The following EPHB2 variants were observed in gnomAD, a reference collection of about 807,000 sequenced individuals.
EPHB2 encodes the protein ephrin type-B receptor 2.
In EPHB2, 18 loss-of-function variants were observed where a neutral mutation model predicts 96.4. The ratio of observed to expected loss-of-function variants is 0.19; its 90% CI spans 0.13 to 0.28. The LOEUF is 0.28. Among genes scored for constraint, EPHB2 ranks in the 10% least tolerant of loss-of-function variants. The probability of loss-of-function intolerance (pLI) is 1.00; values close to 1 mark genes in which losing one functional copy is unlikely to be tolerated. For missense variants in EPHB2, 989 were observed against 1,355.4 expected (o/e 0.73, Z 4.25); for synonymous variants, 506 against 534.1 (o/e 0.95, Z 0.72).
At chr1:22,904,016 G>A (rs1238623778) in intron 9 of EPHB2, among the ~76,000 whole-genome samples, 8 of 152,282 alleles carry the variant, frequency 5.3e-5, no homozygotes, top group African/African-American at 1.2e-4. Context: ...GGCCAGGCGC[G>A]GTGGCTCATG....
intron 15 of EPHB2, 108 bp downstream of exon 15, chr1:22,912,707 G>T: frequency 6.5e-7 from 1 of 1,549,870 alleles, no homozygotes; most frequent in South Asian, 1.1e-5. Context: ...GTCCCAATAG[G>T]GAAGCAGGGA....
intron 1 of EPHB2, among the ~76,000 whole-genome samples, chr1:22,768,243 A>G (rs919020738): frequency 2.0e-5 from 3 of 152,194 alleles, no homozygotes; most frequent in Non-Finnish European, 4.4e-5. Context: ...GGCCTGGAGA[A>G]GCCCTCCATA....
Position 22,858,949 on chromosome 1 carries a change from C to A in EPHB2, c.812-4088C>A, listed in dbSNP as rs1645747710. On this transcript the variant is annotated intron_variant, in intron 3 of 15. Transcript: ENST00000374630. The surrounding 1 kb of genome is among the most constrained non-coding windows in gnomAD (Gnocchi z 7.7). ...TACAGTCCAGCCAGGTAGACACATTCATAAGCAAGTAATTAAAATAGGCAC... is the reference window on the plus strand; with the variant it reads ...TACAGTCCAGCCAGGTAGACACATTAATAAGCAAGTAATTAAAATAGGCAC... 2.0e-5 allele frequency among the ~76,000 whole-genome samples: 3 copies of A among 152,166 alleles called. No homozygotes were observed. Among genetic ancestry groups the A allele is most frequent in the Admixed American group, 6.5e-5 (1 of 15,280 alleles).
At chr1:22,836,713 G>A (rs550454497) in intron 3 of EPHB2, 1 of 153,020 alleles carries the variant, frequency 6.5e-6, no homozygotes, top group East Asian at 1.9e-4. Context: ...CAGAGCCGCA[G>A]TGACCCCTGG....
chr1:22,773,373 G>T (rs970024591), intron 1 of EPHB2, among the ~76,000 whole-genome samples: 2 of 152,156 alleles, frequency 1.3e-5, no homozygotes, highest in Admixed American at 6.5e-5. Context: ...TCCCAGCCAG[G>T]CCTAGCTTCA....
chr1:22,731,381 C>T (rs1643708257), intron 1 of EPHB2, among the ~76,000 whole-genome samples: 1 of 152,152 alleles, frequency 6.6e-6, no homozygotes, highest in Non-Finnish European at 1.5e-5. Flanking sequence ...CCGAGGGGCT[C>T]TGCAGTCACA....
At chr1:22,848,326 C>T (rs1482081581) in intron 3 of EPHB2, among the ~76,000 whole-genome samples, 2 of 152,088 alleles carry the variant, frequency 1.3e-5, no homozygotes, top group East Asian at 1.9e-4. Context: ...GACCTCACCC[C>T]GATCCACTCC....
At chr1:22,837,100 C>T (rs1458523844) in intron 3 of EPHB2, among the ~76,000 whole-genome samples, 2 of 152,202 alleles carry the variant, frequency 1.3e-5, no homozygotes, top group African/African-American at 4.8e-5. Flanking sequence ...AGTCTGCAGA[C>T]AGGCTTGGGC....
chr1:22,880,057 T>C (rs1000637478), intron 5 of EPHB2, among the ~76,000 whole-genome samples: 1 of 151,912 alleles, frequency 6.6e-6, no homozygotes, highest in African/African-American at 2.4e-5. Flanking sequence ...TCATTCTCGG[T>C]GTCAAGGGCT....
At chr1:22,757,662 G>C (rs1195951763) in intron 1 of EPHB2, among the ~76,000 whole-genome samples, 1 of 152,136 alleles carries the variant, frequency 6.6e-6, no homozygotes, top group African/African-American at 2.4e-5. Context: ...GGGAGTTCAA[G>C]ACCAGCCTGG....
At chr1:22,877,307 G>C (rs1273908450) in intron 5 of EPHB2, among the ~76,000 whole-genome samples, 1 of 152,242 alleles carries the variant, frequency 6.6e-6, no homozygotes, top group Non-Finnish European at 1.5e-5. Flanking sequence ...AGTAATACCA[G>C]CCTTGTAGGG....
intron 7 of EPHB2, 82 bp downstream of exon 7, chr1:22,893,128 C>T (rs1639447431): frequency 1.2e-6 from 2 of 1,607,906 alleles, no homozygotes; most frequent in Non-Finnish European, 1.7e-6. Flanking sequence ...TCATGAAGCA[C>T]CTTTGTGCAG....
At chr1:22,871,007 A>T (rs1023201455) in intron 5 of EPHB2, among the ~76,000 whole-genome samples, 1 of 152,218 alleles carries the variant, frequency 6.6e-6, no homozygotes, top group Non-Finnish European at 1.5e-5. Flanking sequence ...ATCATTCTCT[A>T]TTCACTCTAA....
intron 1 of EPHB2, among the ~76,000 whole-genome samples, chr1:22,731,708 C>T (rs1326588105): frequency 1.3e-5 from 2 of 152,122 alleles, no homozygotes; most frequent in African/African-American, 2.4e-5. Context: ...GGCGTGGTGG[C>T]GCGCATCTGT....
At chr1:22,823,607 T>A (rs892913412) in intron 3 of EPHB2, among the ~76,000 whole-genome samples, 1 of 152,244 alleles carries the variant, frequency 6.6e-6, no homozygotes, top group African/African-American at 2.4e-5. Context: ...CCTCAAGTGA[T>A]ATATAATAAT....
At chr1:22,852,600 G>T (rs893661753) in intron 3 of EPHB2, among the ~76,000 whole-genome samples, 15 of 152,294 alleles carry the variant, frequency 9.8e-5, no homozygotes, top group African/African-American at 3.6e-4. Context: ...GCAATGCGGG[G>T]GTCCAGGGGC....
intron 1 of EPHB2, among the ~76,000 whole-genome samples, chr1:22,744,297 G>A (rs1295665600): frequency 6.6e-6 from 1 of 151,922 alleles, no homozygotes; most frequent in Non-Finnish European, 1.5e-5. Flanking sequence ...GTGGGGGTAG[G>A]GGTGCTGACC....
intron 9 of EPHB2, among the ~76,000 whole-genome samples, chr1:22,900,549 G>C (rs1365564906): frequency 1.3e-5 from 2 of 152,196 alleles, no homozygotes; most frequent in African/African-American, 4.8e-5. Context: ...TGGCTGAAGA[G>C]CTGGCATCCT....
At chr1:22,885,346 C>T (rs1639190521) in intron 6 of EPHB2, among the ~76,000 whole-genome samples, 1 of 152,282 alleles carries the variant, frequency 6.6e-6, no homozygotes, top group Non-Finnish European at 1.5e-5. Context: ...TTTCCTACCA[C>T]AGCGGGCAGG....
Sources: allele counts gnomAD v4.1 joint callset (sites outside exome capture counted in the v4.1 genomes callset), GRCh38; gene constraint gnomAD v4.1.1; non-coding constraint Gnocchi (gnomAD v3.1); transcripts MANE v1.5; gene names NCBI Gene and HGNC (gene_info 2026-07-23, HGNC 2026-07-21).